The following DACH1 variants were observed in gnomAD, a reference collection of about 807,000 sequenced individuals.
DACH1 encodes the protein dachshund family transcription factor 1, also known as dachshund homolog 1.
A neutral mutation model predicts 54.2 loss-of-function variants in DACH1; 12 were observed. That is an observed-to-expected ratio of 0.22 (90% confidence interval 0.14 to 0.36). The LOEUF (loss-of-function observed/expected upper bound fraction) is 0.36. Among genes scored for constraint, DACH1 ranks in the 10% least tolerant of loss-of-function variants. The probability of loss-of-function intolerance (pLI) is 1.00; values close to 1 mark genes in which losing one functional copy is unlikely to be tolerated. For missense variants in DACH1, 805 were observed against 929.8 expected, an observed-to-expected ratio of 0.87 and a Z score of 1.75; for synonymous variants, 386 against 366.2, an observed-to-expected ratio of 1.05 and a Z score of -0.62.
chr13:71,464,181 C>A (rs572574938), intron 10 of DACH1, among the ~76,000 whole-genome samples: 3 of 151,572 alleles, frequency 2.0e-5, no homozygotes, highest in Non-Finnish European at 4.4e-5. Flanking sequence ...AATACCCATA[C>A]CCTCTAATTG....
At chr13:71,811,431 T>C (rs1160933428) in intron 1 of DACH1, among the ~76,000 whole-genome samples, 1 of 152,180 alleles carries the variant, frequency 6.6e-6, no homozygotes, top group Non-Finnish European at 1.5e-5. Flanking sequence ...ATGTTAGATA[T>C]GGCCCATGTG....
chr13:71,473,144 ATAGT>A (rs1231848561), intron 10 of DACH1, among the ~76,000 whole-genome samples: 2 of 152,208 alleles, frequency 1.3e-5, no homozygotes, highest in African/African-American at 2.4e-5. Flanking sequence ...AATATAATGA[ATAGT>A]TAGTATGTTT....
intron 1 of DACH1, among the ~76,000 whole-genome samples, chr13:71,831,927 CTGGGG>C (rs1243072348): frequency 6.6e-6 from 1 of 151,864 alleles, no homozygotes; most frequent in Non-Finnish European, 1.5e-5. Context: ...CAGAGCGACC[CTGGGG>C]TGATTTATAA....
intron 2 of DACH1, among the ~76,000 whole-genome samples, chr13:71,677,789 G>A (rs1279285490): frequency 6.6e-6 from 1 of 151,876 alleles, no homozygotes; most frequent in Non-Finnish European, 1.5e-5. Flanking sequence ...GTGCGATCTC[G>A]GCTCACTGCA....
chr13:71,475,246 AT>A (rs773800697), intron 9 of DACH1, 37 bp from the exon 10 acceptor site: 1 of 1,525,648 alleles, frequency 6.6e-7, no homozygotes, highest in Non-Finnish European at 9.1e-7. Context: ...CACATATTTC[AT>A]TTGATTCCTA....
At position 71,557,074 on chromosome 13, in the gene DACH1, A is replaced by G. The variant is rs1884302429; in HGVS notation, c.1520T>C (p.Leu507Ser). Residue 507 changes from leucine to serine, a missense_variant, in exon 6 of 11, where the codon TTG becomes TCG. Around this residue, in one of 3 missense-constraint regions of DACH1, gnomAD observed 472 missense variants for 545.3 expected, o/e 0.87. Coordinates refer to ENST00000613252, the MANE Select transcript of DACH1 (RefSeq NM_080759.6). Reference sequence around the variant, plus strand: ...CTCATGTCCCATGTCATGACCGGCCAAATCTCCCTCTTTGGGCCCAGGAAG... The same window carrying G: ...CTCATGTCCCATGTCATGACCGGCCGAATCTCCCTCTTTGGGCCCAGGAAG... ...NVLPGPKEGDLAGHDMGHESK... is the reference protein window; with the variant it reads ...NVLPGPKEGDSAGHDMGHESK... The G allele has an allele frequency of 1.2e-6, 2 of 1,611,776 alleles. No individual in the cohort carries two copies. Among genetic ancestry groups the G allele is most frequent in the Non-Finnish European group, 1.7e-6 (2 of 1,178,930 alleles).
At chr13:71,490,902 G>A (rs1878923977) in intron 6 of DACH1, among the ~76,000 whole-genome samples, 1 of 152,158 alleles carries the variant, frequency 6.6e-6, no homozygotes, top group African/African-American at 2.4e-5. Context: ...GATAATAATT[G>A]CTTGTCTCTT....
At chr13:71,815,017 T>C (rs1887855269) in intron 1 of DACH1, among the ~76,000 whole-genome samples, 1 of 152,158 alleles carries the variant, frequency 6.6e-6, no homozygotes, top group South Asian at 2.1e-4. Context: ...GGGAGGTCTG[T>C]AGGTGTCAAT....
intron 4 of DACH1, among the ~76,000 whole-genome samples, chr13:71,562,093 G>A (rs542963393): frequency 6.6e-5 from 10 of 152,208 alleles, no homozygotes; most frequent in African/African-American, 2.4e-4. Flanking sequence ...ATAACTTGTT[G>A]AACTTTAAGA....
intron 10 of DACH1, among the ~76,000 whole-genome samples, chr13:71,466,831 G>A (rs1245301057): frequency 8.1e-6 from 1 of 123,820 alleles, no homozygotes; most frequent in African/African-American, 3.1e-5. Flanking sequence ...GGGTGACAGA[G>A]CAGCACCCTG....
At chr13:71,677,560 TTAAGAC>T (rs1281254024) in intron 2 of DACH1, among the ~76,000 whole-genome samples, 1 of 152,206 alleles carries the variant, frequency 6.6e-6, no homozygotes, top group Non-Finnish European at 1.5e-5. Context: ...ATACTTAATA[TTAAGAC>T]TGGGAAAATA....
At chr13:71,591,615 C>T (rs1449635587) in intron 3 of DACH1, among the ~76,000 whole-genome samples, 35 of 152,072 alleles carry the variant, frequency 2.3e-4, no homozygotes, top group Non-Finnish European at 1.5e-5. Flanking sequence ...CAACTGTATA[C>T]TCATGAGGGA....
intron 6 of DACH1, among the ~76,000 whole-genome samples, chr13:71,509,562 C>A (rs955535497): frequency 1.3e-5 from 2 of 151,944 alleles, no homozygotes; most frequent in Non-Finnish European, 1.5e-5. Context: ...ATCCTAAACA[C>A]GAAGTTTAAA....
At chr13:71,589,603 G>T (rs894788276) in intron 3 of DACH1, among the ~76,000 whole-genome samples, 4 of 151,804 alleles carry the variant, frequency 2.6e-5, no homozygotes, top group African/African-American at 9.7e-5. Context: ...TGTGAACATG[G>T]TTACACAACT....
chr13:71,659,704 T>G (rs942794974), intron 2 of DACH1, among the ~76,000 whole-genome samples: 2 of 152,132 alleles, frequency 1.3e-5, no homozygotes, highest in African/African-American at 4.8e-5. Flanking sequence ...TTTCTTTTTT[T>G]TTGACATGTT....
chr13:71,641,153 C>T (rs1012004754), intron 2 of DACH1, among the ~76,000 whole-genome samples: 22 of 151,788 alleles, frequency 1.4e-4, no homozygotes, highest in African/African-American at 5.3e-4. Context: ...AAATACGTGG[C>T]CACAAAAGTC....
chr13:71,444,105 T>A (rs1874240235), intron 10 of DACH1, among the ~76,000 whole-genome samples: 1 of 152,098 alleles, frequency 6.6e-6, no homozygotes, highest in African/African-American at 2.4e-5. Context: ...CCTAATAATA[T>A]TATAAAAATA....
chr13:71,601,288 G>A (rs773607993), intron 3 of DACH1, among the ~76,000 whole-genome samples: 1 of 151,882 alleles, frequency 6.6e-6, no homozygotes, highest in Non-Finnish European at 1.5e-5. Flanking sequence ...TTATCAGTGG[G>A]ATTAATATAT....
Position 71,561,543 on chromosome 13 carries a change from G to A in DACH1, c.1300-1588C>T, listed in dbSNP as rs1299035980. Among the ~76,000 whole-genome samples, 6 of 152,222 alleles carry A rather than the reference G, an allele frequency of 3.9e-5. No homozygotes were observed. In the East Asian group the frequency reaches 7.7e-4, roughly 20 times the overall value. On this transcript the variant is annotated intron_variant, in intron 4 of 10. Coordinates refer to ENST00000613252, the MANE Select transcript of DACH1 (RefSeq NM_080759.6). Reference sequence around the variant, plus strand: ...GCTACCAGAAGCTATAGAAAGCGAAGGATTCTACCTAGTATCTCAAAGGGA... The same window carrying A: ...GCTACCAGAAGCTATAGAAAGCGAAAGATTCTACCTAGTATCTCAAAGGGA...
Sources: gnomAD v4.1 joint callset for allele counts (sites outside exome capture counted in the v4.1 genomes callset) on GRCh38, gnomAD v4.1.1 for gene constraint, gnomAD v4.1.1 regional missense constraint, MANE v1.5 for transcripts, NCBI Gene and HGNC (gene_info 2026-07-23, HGNC 2026-07-21) for gene names.